The following GPC3 variants were observed in gnomAD, a reference collection of about 807,000 sequenced individuals.
GPC3 encodes the protein glypican-3.
In GPC3, 3 loss-of-function variants were observed where a neutral mutation model predicts 34.4. The observed-to-expected ratio is 0.09, with a 90% CI of 0.04 to 0.23. GPC3 has a LOEUF of 0.23. Ranked by LOEUF, GPC3 falls within the 10% of genes least tolerant of loss-of-function variation. The probability of loss-of-function intolerance (pLI) is 1.00; values close to 1 mark genes in which losing one functional copy is unlikely to be tolerated. For synonymous variants in GPC3, 177 were observed against 174.0 expected (o/e 1.02, Z -0.13); for missense variants, 351 against 445.6 (o/e 0.79, Z 1.91).
intron 3 of GPC3, among the ~76,000 whole-genome samples, chrX:133,741,705 A>G (rs2071565811): frequency 2.7e-5 from 3 of 112,893 alleles, no homozygotes; most frequent in African/African-American, 9.6e-5. Flanking sequence ...TCTCATTAGT[A>G]TTGTAAACTT....
At chrX:133,851,847 A>G (rs756894709) in intron 2 of GPC3, among the ~76,000 whole-genome samples, 1 of 112,385 alleles carries the variant, frequency 8.9e-6, no homozygotes, top group African/African-American at 3.2e-5. Context: ...TAAATTGCTC[A>G]TATCAATTGG....
intron 2 of GPC3, among the ~76,000 whole-genome samples, chrX:133,861,539 G>T (rs186017455): frequency 9.0e-6 from 1 of 111,414 alleles, no homozygotes; most frequent in African/African-American, 3.3e-5. Flanking sequence ...TGAAGGGTTT[G>T]GAAAGCCCAA....
intron 3 of GPC3, among the ~76,000 whole-genome samples, chrX:133,716,874 G>T (rs1473530498): frequency 1.8e-5 from 2 of 112,081 alleles, no homozygotes; most frequent in African/African-American, 6.5e-5. Context: ...AATGTCAAAA[G>T]ACAAAGATAA....
intron 2 of GPC3, among the ~76,000 whole-genome samples, chrX:133,880,310 A>C (rs2076036133): frequency 8.9e-6 from 1 of 112,097 alleles, no homozygotes; most frequent in African/African-American, 3.2e-5. Context: ...TCAACCTATT[A>C]ATATGAGTTG....
chrX:133,965,100 G>A (rs2076457563), intron 1 of GPC3, among the ~76,000 whole-genome samples: 1 of 111,561 alleles, frequency 9.0e-6, no homozygotes, highest in Non-Finnish European at 1.9e-5. Context: ...ACAGTAGAGA[G>A]TTCTGGTAAA....
chrX:133,677,796 G>A lies in GPC3; in HGVS notation c.1292+14573C>T, dbSNP rs186561987. ...CTTGAGAGGACATGAGAGCAGAGAA[G>A]CATGGTATGAGAGGCAGGAAATGTA... On this transcript the variant is annotated intron_variant, in intron 5 of 7. Coordinates refer to ENST00000370818, the MANE Select transcript of GPC3 (RefSeq NM_004484.4). Among the ~76,000 whole-genome samples the A allele has an allele frequency of 4.7e-4, 52 of 111,625 alleles. No individual in the cohort carries two copies. In the East Asian group the frequency reaches 0.012, roughly 26 times the overall value.
chrX:133,537,625 A>G (rs1411084843), intron 7 of GPC3, among the ~76,000 whole-genome samples: 2 of 111,812 alleles, frequency 1.8e-5, no homozygotes, highest in African/African-American at 6.5e-5. Flanking sequence ...CAAAAGGTCT[A>G]TTGCAATCTA....
intron 7 of GPC3, among the ~76,000 whole-genome samples, chrX:133,593,354 T>TAAAAAAAAAAAAAAAAAAAA (rs1186766438): frequency 2.1e-5 from 1 of 47,710 alleles, no homozygotes; most frequent in African/African-American, 8.7e-5. Flanking sequence ...AAAAAAAAAG[T>TAAAAAAAAAAAAAAAAAAAA]AAAAAAAAAA....
intron 2 of GPC3, among the ~76,000 whole-genome samples, chrX:133,939,229 G>T (rs1426845609): frequency 8.9e-6 from 1 of 112,059 alleles, no homozygotes. Context: ...AGACAGTAGA[G>T]AAAATAACAA....
At chrX:133,781,097 A>G (rs1362050724) in intron 2 of GPC3, among the ~76,000 whole-genome samples, 1 of 110,892 alleles carries the variant, frequency 9.0e-6, no homozygotes, top group Non-Finnish European at 1.9e-5. Flanking sequence ...TTTCTTTTTA[A>G]TTCTGTATTT....
intron 2 of GPC3, among the ~76,000 whole-genome samples, chrX:133,920,145 C>G (rs921363559): frequency 4.8e-5 from 5 of 105,147 alleles, no homozygotes; most frequent in African/African-American, 1.4e-4. Context: ...GTCTGGGCAA[C>G]AGAGTAAGAT....
At position 133,734,011 on chromosome X, in the gene GPC3, T is replaced by C. The variant is rs144226331; in HGVS notation, c.1032+19471A>G. ...TTCTGAAACTCTTCCAAATAGAAGA[T>C]CTTTAGAAGAGGAAGGAATACATCC... On this transcript the variant is annotated intron_variant, in intron 3 of 7. Transcript: ENST00000370818. Among the ~76,000 whole-genome samples the C allele has an allele frequency of 9.9e-3, 1,110 of 111,993 alleles. 7 individuals carry two copies. Among genetic ancestry groups the C allele is most frequent in the Non-Finnish European group, 0.016 (849 of 53,115 alleles).
chrX:133,827,741 C>A (rs916860338), intron 2 of GPC3, among the ~76,000 whole-genome samples: 5 of 109,313 alleles, frequency 4.6e-5, no homozygotes, highest in African/African-American at 1.7e-4. Flanking sequence ...CGAGATCACG[C>A]CACTGCACTC....
At chrX:133,547,175 G>A (rs189610733) in intron 7 of GPC3, among the ~76,000 whole-genome samples, 5,615 of 111,028 alleles carry the variant, frequency 0.051, 244 homozygotes, top group East Asian at 0.31. Flanking sequence ...GGAGAAGCAG[G>A]AGGGATGAAG....
chrX:133,897,107 C>T (rs1327816841), intron 2 of GPC3, among the ~76,000 whole-genome samples: 5 of 108,656 alleles, frequency 4.6e-5, no homozygotes, highest in Non-Finnish European at 7.6e-5. Context: ...AGGGTTTCAC[C>T]GTGTTAGCCA....
intron 7 of GPC3, among the ~76,000 whole-genome samples, chrX:133,554,967 C>T (rs770664710): frequency 1.1e-3 from 126 of 112,583 alleles, no homozygotes; most frequent in South Asian, 3.0e-3. Flanking sequence ...CTAACACAGC[C>T]TTGACCTCCT....
At chrX:133,921,243 T>C (rs1325149207) in intron 2 of GPC3, among the ~76,000 whole-genome samples, 10 of 111,889 alleles carry the variant, frequency 8.9e-5, no homozygotes, top group Non-Finnish European at 1.9e-4. Context: ...TTCTCTCCTC[T>C]GGTCTCCGGG....
intron 2 of GPC3, among the ~76,000 whole-genome samples, chrX:133,936,001 C>A (rs2076321832): frequency 9.1e-6 from 1 of 109,781 alleles, no homozygotes; most frequent in South Asian, 4.0e-4. Context: ...CAACCTCTAC[C>A]TCCCAGGCTG....
Position 133,585,413 on chromosome X carries a change from G to A in GPC3, c.1573+11027C>T, listed in dbSNP as rs894880141. Among the ~76,000 whole-genome samples, 3 of 110,749 alleles carry A rather than the reference G, an allele frequency of 2.7e-5. No homozygotes were observed. In the South Asian group the frequency reaches 1.2e-3, roughly 43 times the overall value. On this transcript the variant is annotated intron_variant, in intron 7 of 7. Transcript: ENST00000370818. ...GCAGCCACTAGGACTATCCACACTA[G>A]ATCTTTTCAGCTTCTGTCTCACTCT...
Sources: allele counts gnomAD v4.1 joint callset (sites outside exome capture counted in the v4.1 genomes callset), GRCh38; gene constraint gnomAD v4.1.1; transcripts MANE v1.5; gene names NCBI Gene and HGNC (gene_info 2026-07-23, HGNC 2026-07-21).